DNM3: variants seen among roughly 807,000 people sequenced by gnomAD.
DNM3 encodes dynamin 3.
DNM3 carries 47 observed loss-of-function variants against 101.6 expected under a neutral mutation model. That is an observed-to-expected ratio of 0.46 (90% CI 0.37 to 0.59). The LOEUF is 0.59. Ranked by LOEUF, DNM3 falls within the 20% of genes least tolerant of loss-of-function variation. The pLI is 0.00. For missense variants in DNM3, 849 were observed against 1,085.7 expected (o/e 0.78, Z 3.06); for synonymous variants, 385 against 387.9 (o/e 0.99, Z 0.09).
At chr1:172,406,884 T>G (rs572147138) in intron 20 of DNM3, among the ~76,000 whole-genome samples, 126 of 151,988 alleles carry the variant, frequency 8.3e-4, no homozygotes, top group African/African-American at 2.9e-3. Context: ...ACATTTCAAT[T>G]TGTAGACTTT....
At chr1:172,141,900 C>T (rs1475056251) in intron 14 of DNM3, among the ~76,000 whole-genome samples, 2 of 152,102 alleles carry the variant, frequency 1.3e-5, no homozygotes, top group South Asian at 2.1e-4. Flanking sequence ...TTAAGTCCAC[C>T]GTTTTAGATT....
chr1:171,998,850 G>A (rs2046181746), intron 4 of DNM3, among the ~76,000 whole-genome samples: 1 of 152,030 alleles, frequency 6.6e-6, no homozygotes, highest in African/African-American at 2.4e-5. Flanking sequence ...CAGGCAAAGG[G>A]GACAGTAAGC....
intron 15 of DNM3, among the ~76,000 whole-genome samples, chr1:172,266,698 A>T (rs1463904605): frequency 6.6e-6 from 1 of 152,156 alleles, no homozygotes; most frequent in Non-Finnish European, 1.5e-5. Flanking sequence ...TAGAGAAATG[A>T]AATGTATGTT....
At chr1:172,388,551 T>C (rs1166770094) in intron 19 of DNM3, 22 bp from the exon 20 acceptor site, 5 of 1,594,206 alleles carry the variant, frequency 3.1e-6, no homozygotes, top group Middle Eastern at 1.7e-4. Flanking sequence ...GTGAGCAAAC[T>C]ATGATTTCTC....
At chr1:172,151,408 T>C (rs2058121705) in intron 14 of DNM3, among the ~76,000 whole-genome samples, 1 of 152,192 alleles carries the variant, frequency 6.6e-6, no homozygotes, top group African/African-American at 2.4e-5. Flanking sequence ...GAATGCATTT[T>C]AAAACTACAC....
intron 1 of DNM3, among the ~76,000 whole-genome samples, chr1:171,893,357 ATTATT>A (rs1221324258): frequency 6.6e-6 from 1 of 151,896 alleles, no homozygotes; most frequent in Non-Finnish European, 1.5e-5. Context: ...ATTATATTGT[ATTATT>A]TTATGTTATT....
At position 172,105,442 on chromosome 1, in the gene DNM3, A is replaced by C. The variant is rs533336045; in HGVS notation, c.1545+12567A>C. Among the ~76,000 whole-genome samples the C allele has an allele frequency of 2.0e-5, 3 of 152,360 alleles. No individual in the cohort carries two copies. The East Asian group carries it at 5.8e-4, about 29-fold the overall frequency. Reference sequence around the variant, plus strand: ...GGTGAAGGATGAACTCTTAACCTAGAGTCCATATCTGGGTTATTTGTCTTA... The same window carrying C: ...GGTGAAGGATGAACTCTTAACCTAGCGTCCATATCTGGGTTATTTGTCTTA... On this transcript the variant is annotated intron_variant, in intron 13 of 20. Transcript: ENST00000627582.
chr1:172,253,246 C>T (rs547253548), intron 14 of DNM3, among the ~76,000 whole-genome samples: 12 of 152,192 alleles, frequency 7.9e-5, no homozygotes, highest in East Asian at 7.7e-4. Context: ...GGGGAAAGGA[C>T]GGAGGACCAT....
chr1:172,218,226 T>C (rs1328878880), intron 14 of DNM3, among the ~76,000 whole-genome samples: 1 of 152,132 alleles, frequency 6.6e-6, no homozygotes, highest in African/African-American at 2.4e-5. Flanking sequence ...TGAGCCAGAC[T>C]CTTAAGAAAA....
chr1:172,391,455 G>A (rs1482466344), intron 20 of DNM3, among the ~76,000 whole-genome samples: 1 of 152,078 alleles, frequency 6.6e-6, no homozygotes, highest in East Asian at 1.9e-4. Flanking sequence ...TTTAATAAAA[G>A]CCAGAGCAGG....
Position 172,131,166 on chromosome 1 carries a change from T to A in DNM3, c.1546-9T>A, listed in dbSNP as rs1429155399. The A allele has an allele frequency of 2.5e-6, 4 of 1,612,932 alleles. No individual in the cohort carries two copies. The South Asian group carries it at 4.4e-5, about 18-fold the overall frequency. ...CTAAACACCTCTGCTGATTTCTGCT[T>A]TTTCGTAGGTGATTCGCAAGGGGTG... On this transcript the variant is annotated splice_polypyrimidine_tract_variant and intron_variant, in intron 13 of 20. Transcript: ENST00000627582.
In DNM3 at chr1:172,411,511, A is replaced by C. The variant is rs2071200490; in HGVS notation, c.*3670A>C. On this transcript the variant is annotated 3_prime_UTR_variant, in exon 21 of 21. Coordinates refer to ENST00000627582, the MANE Select transcript of DNM3 (RefSeq NM_015569.5). ...ATCTTAAAAAGCCAAGTTGATATAC[A>C]TAGTCATTTTTCCTCTATGGTAGAA... 1 of 984,106 alleles carries C rather than the reference A, an allele frequency of 1.0e-6. No individual in the cohort carries two copies. The highest frequency in any genetic ancestry group is 1.2e-6 in the Non-Finnish European group (1 of 829,216). 61.0% of individuals were successfully genotyped at this position (984,106 alleles called of 1,614,324 possible). A position where few individuals can be genotyped will look rare whatever the true frequency, so the allele number is the denominator to read the frequency against.
chr1:171,995,501 T>G (rs1350276157), intron 4 of DNM3, among the ~76,000 whole-genome samples: 1 of 152,126 alleles, frequency 6.6e-6, no homozygotes. Flanking sequence ...GCTTTAACAA[T>G]TTTTGCCAGT....
intron 16 of DNM3, among the ~76,000 whole-genome samples, chr1:172,318,540 C>T (rs1031610762): frequency 1.3e-5 from 2 of 152,202 alleles, no homozygotes; most frequent in African/African-American, 4.8e-5. Flanking sequence ...TCAGCAAAGT[C>T]TCAGGATATA....
chr1:172,391,576 T>G (rs907239303), intron 20 of DNM3, among the ~76,000 whole-genome samples: 1 of 152,214 alleles, frequency 6.6e-6, no homozygotes, highest in Non-Finnish European at 1.5e-5. Flanking sequence ...AACTTCACCT[T>G]ATTCTGTTTG....
chr1:172,179,408 T>G (rs185912225), intron 14 of DNM3, among the ~76,000 whole-genome samples: 25 of 152,100 alleles, frequency 1.6e-4, no homozygotes, highest in Admixed American at 7.9e-4. Flanking sequence ...TTTGAAAAGT[T>G]AAAGGATTAT....
intron 1 of DNM3, among the ~76,000 whole-genome samples, chr1:171,911,273 C>CT (rs151321245): frequency 0.24 from 21,970 of 90,330 alleles, 3,840 homozygotes; most frequent in Non-Finnish European, 0.3. Flanking sequence ...ACCCCAACAT[C>CT]TTTTTTTTTT....
At chr1:172,316,102 G>T (rs1374896543) in intron 16 of DNM3, among the ~76,000 whole-genome samples, 1 of 152,098 alleles carries the variant, frequency 6.6e-6, no homozygotes, top group Non-Finnish European at 1.5e-5. Context: ...TTAAAGAAAA[G>T]AATTTTCAAC....
At chr1:172,170,258 C>T (rs934540726) in intron 14 of DNM3, among the ~76,000 whole-genome samples, 4 of 151,744 alleles carry the variant, frequency 2.6e-5, no homozygotes, top group Admixed American at 2.0e-4. Flanking sequence ...ATTAATATTC[C>T]CATTTAGTAG....
Sources: gnomAD v4.1 joint callset for allele counts (sites outside exome capture counted in the v4.1 genomes callset) on GRCh38, gnomAD v4.1.1 for gene constraint, MANE v1.5 for transcripts, NCBI Gene and HGNC (gene_info 2026-07-23, HGNC 2026-07-21) for gene names.